Variants in HK1 observed in about 807,000 individuals in gnomAD.
HK1 encodes the protein hexokinase 1.
Under a neutral mutation model 91.6 loss-of-function variants are expected in HK1, and 28 were observed. The observed-to-expected ratio is 0.31, with a 90% CI of 0.23 to 0.42. HK1 has a LOEUF of 0.42. Among genes scored for constraint, HK1 ranks in the 10% least tolerant of loss-of-function variants. HK1 has a pLI of 1.00. For missense variants in HK1, 770 were observed against 1,219.8 expected (o/e 0.63, Z 5.49); for synonymous variants, 430 against 468.1 (o/e 0.92, Z 1.05).
At chr10:69,360,701 C>T (rs1849375204) in intron 3 of HK1, among the ~76,000 whole-genome samples, 1 of 152,152 alleles carries the variant, frequency 6.6e-6, no homozygotes, top group South Asian at 2.1e-4. Context: ...TAGGAAGGGC[C>T]TGTCCACCTG....
Position 69,386,432 on chromosome 10 carries a change from G to T in HK1, c.1935+14G>T, listed in dbSNP as rs975877583. The T allele has an allele frequency of 1.1e-5, 17 of 1,584,666 alleles. No homozygotes were observed. The highest frequency in any genetic ancestry group is 1.4e-5 in the Non-Finnish European group (16 of 1,153,716). On this transcript the variant is annotated intron_variant, in intron 13 of 17. Coordinates refer to ENST00000359426, the MANE Select transcript of HK1 (RefSeq NM_000188.3). ...AAAAGGAGAGAGGTAACTATTAAAA[G>T]AATGTTTTTTAAAATCTTTACTGTT...
At chr10:69,370,942 C>T (rs1407071811) in intron 7 of HK1, among the ~76,000 whole-genome samples, 14 of 152,140 alleles carry the variant, frequency 9.2e-5, no homozygotes, top group Admixed American at 9.2e-4. Flanking sequence ...CCCAGCCTCC[C>T]AGCAGCCTTA....
rs181064175 is a variant in HK1 at position 69,280,408 on chromosome 10, C to T, written c.-390-2121C>T. Among the ~76,000 whole-genome samples, 786 of 152,342 alleles carry T rather than the reference C, an allele frequency of 5.2e-3. 8 individuals carry two copies. The highest frequency in any genetic ancestry group is 0.018 in the African/African-American group (733 of 41,576). On this transcript the variant is annotated intron_variant, in intron 1 of 21. Transcript: ENST00000360289. ...CTGGGATTACAGGCGTGAGCCACCA[C>T]GCCCAGCCCGGAAAAGGTTTTTTAA...
At chr10:69,399,384 T>C (rs2394560) in intron 17 of HK1, among the ~76,000 whole-genome samples, 57,708 of 151,920 alleles carry the variant, frequency 0.38, 11,571 homozygotes, top group South Asian at 0.52. Context: ...TGGTGGTGAA[T>C]GCCTGTAGTC....
chr10:69,331,045 A>G (rs1320555347), intron 1 of HK1, among the ~76,000 whole-genome samples: 1 of 151,814 alleles, frequency 6.6e-6, no homozygotes, highest in East Asian at 1.9e-4. Context: ...ATACCTGGCT[A>G]ATTTTTGTAT....
chr10:69,339,267 C>G (rs1341461327), intron 1 of HK1, among the ~76,000 whole-genome samples: 1 of 152,214 alleles, frequency 6.6e-6, no homozygotes, highest in South Asian at 2.1e-4. Flanking sequence ...TGGCAGATAC[C>G]AGGGAGCTGA....
rs753645845 is a variant in HK1, at chr10:69,359,975, A to C, written c.305A>C (p.Asn102Thr). 6.2e-6 allele frequency: 10 copies of C among 1,614,098 alleles called. No homozygotes were observed. The highest frequency in any genetic ancestry group is 8.5e-6 in the Non-Finnish European group (10 of 1,179,956). The part of the protein sequence containing the change: ...ILRVQVNHEK[N>T]QNVHMESEVY... ...CGGGTGCAAGTGAATCATGAGAAAA[A>C]CCAGAATGTTCACATGGAGTCCGAG... Residue 102 changes from asparagine to threonine, a missense_variant, in exon 3 of 18, where the codon AAC becomes ACC. Physicochemically the swap from Asn to Thr is moderately conservative, Grantham distance 65. This residue lies in a region of HK1 where 449 missense variants were observed against 665.1 expected (regional missense o/e 0.68). Coordinates refer to ENST00000359426, the MANE Select transcript of HK1 (RefSeq NM_000188.3).
At chr10:69,313,839 C>T (rs190761636), upstream of HK1, among the ~76,000 whole-genome samples, 45 of 152,052 alleles carry the variant, frequency 3.0e-4, no homozygotes, top group African/African-American at 1.1e-3. Flanking sequence ...TAAGGGCAGG[C>T]ACAAATTTAT....
At chr10:69,357,511 C>T (rs924476828) in intron 2 of HK1, among the ~76,000 whole-genome samples, 5 of 152,118 alleles carry the variant, frequency 3.3e-5, no homozygotes, top group South Asian at 4.1e-4. Context: ...AGTGCAGTGG[C>T]GTGATCTCAG....
At chr10:69,329,745 G>C (rs1040568534) in intron 1 of HK1, among the ~76,000 whole-genome samples, 1 of 152,022 alleles carries the variant, frequency 6.6e-6, no homozygotes, top group Non-Finnish European at 1.5e-5. Context: ...GGAAAGACTG[G>C]GGTGGGAGAG....
At chr10:69,371,679 A>G (rs1160656538) in intron 7 of HK1, among the ~76,000 whole-genome samples, 2 of 151,592 alleles carry the variant, frequency 1.3e-5, no homozygotes, top group Non-Finnish European at 2.9e-5. Context: ...CAGTTTGGGA[A>G]CCCTGCATGG....
chr10:69,330,685 T>C (rs1048848917), intron 1 of HK1, among the ~76,000 whole-genome samples: 3 of 152,140 alleles, frequency 2.0e-5, no homozygotes, highest in African/African-American at 7.2e-5. Context: ...GTCTACCTTA[T>C]ACCCAGAAGA....
At chr10:69,294,153 GC>G (rs1325072012) in intron 3 of HK1, among the ~76,000 whole-genome samples, 10 of 152,068 alleles carry the variant, frequency 6.6e-5, no homozygotes, top group African/African-American at 2.4e-4. Context: ...GAGCCACCGC[GC>G]CCGGCCCTGC....
chr10:69,386,536 C>T (rs1839639693), intron 13 of HK1, 118 bp downstream of exon 13: 1 of 763,496 alleles, frequency 1.3e-6, no homozygotes, highest in East Asian at 3.1e-5. Context: ...GTAATCCCAG[C>T]ACTTTGGGAG....
At chr10:69,371,619 C>T (rs1346032436) in intron 7 of HK1, among the ~76,000 whole-genome samples, 1 of 152,198 alleles carries the variant, frequency 6.6e-6, no homozygotes, top group African/African-American at 2.4e-5. Flanking sequence ...GTGGGGCATG[C>T]CACTTGTGGT....
chr10:69,293,915 G>A (rs1181247692), intron 3 of HK1, among the ~76,000 whole-genome samples: 2 of 139,850 alleles, frequency 1.4e-5, no homozygotes, highest in South Asian at 2.2e-4. Flanking sequence ...AGGCTGGAGT[G>A]CAGTGGCGTG....
In HK1 at chr10:69,368,574, C is replaced by A; in HGVS notation, c.534C>A (p.Ser178Arg). Residue 178 changes from serine to arginine, a missense_variant, in exon 5 of 18, where the codon AGC becomes AGA. Coordinates refer to ENST00000359426, the MANE Select transcript of HK1 (RefSeq NM_000188.3). ...CCTGGACAAAGCGATTTAAAGCGAG[C>A]GGAGTGGAAGGAGCAGATGTGGTCA... is the stretch of plus-strand genomic sequence containing the variant. ...LITWTKRFKASGVEGADVVKL... is the reference protein window; with the variant it reads ...LITWTKRFKARGVEGADVVKL... The A allele has an allele frequency of 6.2e-7, 1 of 1,614,186 alleles. No homozygotes were observed. Among genetic ancestry groups the A allele is most frequent in the Non-Finnish European group, 8.5e-7 (1 of 1,180,002 alleles).
intron 2 of HK1, among the ~76,000 whole-genome samples, chr10:69,358,850 C>T (rs188482872): frequency 4.3e-5 from 6 of 139,224 alleles, no homozygotes; most frequent in Non-Finnish European, 9.1e-5. Flanking sequence ...GCAACAAGAG[C>T]GAAGCTCTGT....
At chr10:69,276,425 G>A (rs1044369592) in intron 1 of HK1, among the ~76,000 whole-genome samples, 33 of 151,730 alleles carry the variant, frequency 2.2e-4, no homozygotes, top group African/African-American at 7.7e-4. Flanking sequence ...TTGGGAGGCC[G>A]AGGCGGGTGG....
Sources: allele counts gnomAD v4.1 joint callset (sites outside exome capture counted in the v4.1 genomes callset), GRCh38; gene constraint gnomAD v4.1.1; regional missense constraint gnomAD v4.1.1; transcripts MANE v1.5; gene names NCBI Gene and HGNC (gene_info 2026-07-23, HGNC 2026-07-21).